AKAP13: variants seen among roughly 807,000 people sequenced by gnomAD.
The protein encoded by AKAP13 is A-kinase anchoring protein 13.
In AKAP13, 80 loss-of-function variants were observed where a neutral mutation model predicts 264.5. The observed-to-expected ratio is 0.30, with a 90% confidence interval of 0.25 to 0.36. The LOEUF (loss-of-function observed/expected upper bound fraction) is 0.36, where lower values mean the gene tolerates loss of function less well. Ranked by LOEUF, AKAP13 falls within the 10% of genes least tolerant of loss-of-function variation. The pLI, the probability that AKAP13 is intolerant of heterozygous loss-of-function variation, is 1.00. For synonymous variants in AKAP13, 1,380 were observed against 1,250.2 expected, an observed-to-expected ratio of 1.10 and a Z score of -2.19; for missense variants, 3,712 against 3,435.2, an observed-to-expected ratio of 1.08 and a Z score of -2.01.
intron 2 of AKAP13, among the ~76,000 whole-genome samples, chr15:85,491,514 T>TTA (rs368110090): frequency 1.4e-4 from 12 of 88,836 alleles, no homozygotes; most frequent in Admixed American, 1.3e-3. Flanking sequence ...ATATTATATA[T>TTA]TATATATATT....
intron 10 of AKAP13, among the ~76,000 whole-genome samples, chr15:85,653,765 C>T (rs1375021185): frequency 6.6e-6 from 1 of 152,054 alleles, no homozygotes; most frequent in Non-Finnish European, 1.5e-5. Flanking sequence ...AATGCCCTTC[C>T]CTGTTCCCTG....
chr15:85,664,523 C>T (rs1353870541), intron 12 of AKAP13, 40 bp from the exon 13 acceptor site: 12 of 1,550,636 alleles, frequency 7.7e-6, no homozygotes, highest in Non-Finnish European at 9.6e-6. Context: ...TTTTTGAGAC[C>T]CAGAAATAGA....
intron 3 of AKAP13, among the ~76,000 whole-genome samples, chr15:85,527,147 T>A (rs906818404): frequency 2.8e-4 from 42 of 152,232 alleles, no homozygotes; most frequent in Admixed American, 3.3e-4. Flanking sequence ...TGTTTTTTAG[T>A]AGAGACGGGG....
At chr15:85,443,533 A>C (rs1193767672) in intron 1 of AKAP13, among the ~76,000 whole-genome samples, 1 of 152,192 alleles carries the variant, frequency 6.6e-6, no homozygotes, top group Non-Finnish European at 1.5e-5. Context: ...TTGTTAGTAG[A>C]ACCATGAAAT....
chr15:85,706,536 C>A, intron 17 of AKAP13, among the ~76,000 whole-genome samples: 1 of 152,212 alleles, frequency 6.6e-6, no homozygotes, highest in East Asian at 1.9e-4. Context: ...TACATACATA[C>A]ATGCAGAGCC....
Position 85,407,171 on chromosome 15 carries a change from G to A in AKAP13, c.-12+26373G>A, listed in dbSNP as rs1028908598. ...ACAATGTTAGAGTACCAACTTTGTGGTATACAGGCTTCTAAGGAACACAGA... is the reference window on the plus strand; with the variant it reads ...ACAATGTTAGAGTACCAACTTTGTGATATACAGGCTTCTAAGGAACACAGA... On this transcript the variant is annotated intron_variant, in intron 1 of 36. Transcript: ENST00000394518. Among the ~76,000 whole-genome samples the A allele has an allele frequency of 1.1e-4, 17 of 151,332 alleles. 1 individual carries two copies. The highest frequency in any genetic ancestry group is 1.1e-3 in the Admixed American group (17 of 15,232).
chr15:85,442,480 TAA>T (rs1491159181), intron 1 of AKAP13, among the ~76,000 whole-genome samples: 194 of 116,550 alleles, frequency 1.7e-3, no homozygotes, highest in African/African-American at 5.2e-3. Context: ...ATATATTATA[TAA>T]TATATATAAT....
intron 8 of AKAP13, among the ~76,000 whole-genome samples, chr15:85,594,213 C>G (rs542537363): frequency 4.6e-5 from 7 of 152,126 alleles, no homozygotes; most frequent in Non-Finnish European, 7.4e-5. Flanking sequence ...ATGTTTACTG[C>G]AAGGGTGTAC....
intron 12 of AKAP13, among the ~76,000 whole-genome samples, chr15:85,663,088 T>A (rs1173558408): frequency 6.6e-6 from 1 of 152,080 alleles, no homozygotes; most frequent in African/African-American, 2.4e-5. Context: ...GGTGGGCGGA[T>A]CACCTGAGGT....
rs2072621920 is a variant in AKAP13, at chr15:85,423,453, C to T, written c.-12+42655C>T. Among the ~76,000 whole-genome samples, 4 of 152,210 alleles carry T rather than the reference C, an allele frequency of 2.6e-5. No individual in the cohort carries two copies. In the South Asian group the frequency reaches 8.3e-4, roughly 31 times the overall value. ...ATGTCTAGAAGCCACTTTCTTTGCTCATTCCTTAAGAAGCAACCTGCCATC... is the reference window on the plus strand; with the variant it reads ...ATGTCTAGAAGCCACTTTCTTTGCTTATTCCTTAAGAAGCAACCTGCCATC... On this transcript the variant is annotated intron_variant, in intron 1 of 36. Transcript: ENST00000394518.
At chr15:85,638,549 A>G (rs2082164772) in intron 8 of AKAP13, among the ~76,000 whole-genome samples, 1 of 152,200 alleles carries the variant, frequency 6.6e-6, no homozygotes, top group South Asian at 2.1e-4. Context: ...TTTATCAATT[A>G]AGAGAGGAGT....
At chr15:85,520,099 A>T (rs1430196521) in intron 2 of AKAP13, among the ~76,000 whole-genome samples, 1 of 152,144 alleles carries the variant, frequency 6.6e-6, no homozygotes. Flanking sequence ...GGAATTATAT[A>T]GTTCGTAATT....
At chr15:85,402,826 A>G (rs2071488564) in intron 1 of AKAP13, among the ~76,000 whole-genome samples, 2 of 152,210 alleles carry the variant, frequency 1.3e-5, no homozygotes, top group Admixed American at 1.3e-4. Context: ...CAGAAGTGCA[A>G]GAGCTGGGGA....
chr15:85,667,791 G>A (rs2083684954), intron 13 of AKAP13, among the ~76,000 whole-genome samples: 1 of 152,128 alleles, frequency 6.6e-6, no homozygotes, highest in Non-Finnish European at 1.5e-5. Context: ...TTTTCAAGGA[G>A]GAAATAAGAA....
chr15:85,561,000 A>C (rs946531267), intron 5 of AKAP13, among the ~76,000 whole-genome samples: 1 of 149,966 alleles, frequency 6.7e-6, no homozygotes, highest in Non-Finnish European at 1.5e-5. Context: ...CCTGAGGACC[A>C]CCTCTAGAGA....
intron 1 of AKAP13, among the ~76,000 whole-genome samples, chr15:85,427,051 G>T (rs2072817873): frequency 6.6e-6 from 1 of 151,206 alleles, no homozygotes; most frequent in Admixed American, 6.6e-5. Context: ...TACCTCCTGG[G>T]TTCACGCCAT....
chr15:85,526,873 C>CTT (rs2077065348), intron 3 of AKAP13, among the ~76,000 whole-genome samples: 4 of 151,524 alleles, frequency 2.6e-5, no homozygotes, highest in African/African-American at 9.7e-5. Context: ...CTAGTTAGTA[C>CTT]ATATAGTGGT....
chr15:85,647,683 C>T (rs1480680392), intron 10 of AKAP13, among the ~76,000 whole-genome samples: 6 of 152,080 alleles, frequency 3.9e-5, no homozygotes, highest in Non-Finnish European at 8.8e-5. Context: ...CAATGGCTCA[C>T]GCCTGTAATC....
chr15:85,399,684 T>C (rs1462369306), intron 1 of AKAP13, among the ~76,000 whole-genome samples: 1 of 151,970 alleles, frequency 6.6e-6, no homozygotes, highest in Non-Finnish European at 1.5e-5. Context: ...TACTGTCCTC[T>C]TAGGTGCTAA....
Sources: allele counts gnomAD v4.1 joint callset (sites outside exome capture counted in the v4.1 genomes callset), GRCh38; gene constraint gnomAD v4.1.1; transcripts MANE v1.5; gene names NCBI Gene and HGNC (gene_info 2026-07-23, HGNC 2026-07-21).